The following FRMPD4 variants were observed in gnomAD, a reference collection of about 807,000 sequenced individuals.
FRMPD4 encodes the protein FERM and PDZ domain-containing protein 4.
In FRMPD4, 22 loss-of-function variants were observed where a neutral mutation model predicts 94.1. The observed-to-expected ratio is 0.23, with a 90% confidence interval of 0.17 to 0.33. The LOEUF (loss-of-function observed/expected upper bound fraction) is 0.33. Among genes scored for constraint, FRMPD4 ranks in the 10% least tolerant of loss-of-function variants. FRMPD4 has a pLI of 1.00. For missense variants in FRMPD4, 1,111 were observed against 1,339.9 expected, an observed-to-expected ratio of 0.83 and a Z score of 2.67; for synonymous variants, 631 against 548.6, an observed-to-expected ratio of 1.15 and a Z score of -2.10.
chrX:12,301,098 T>TG (rs1338699099), intron 1 of FRMPD4, among the ~76,000 whole-genome samples: 1 of 111,199 alleles, frequency 9.0e-6, no homozygotes, highest in East Asian at 2.8e-4. Context: ...AGTCAAGGGG[T>TG]GGGGAGCCCT....
rs774634777 is a variant in FRMPD4, at chrX:12,469,396, C to T, written c.42-29284C>T. Among the ~76,000 whole-genome samples, 188 of 111,130 alleles carry T rather than the reference C, an allele frequency of 1.7e-3. 1 individual carries two copies. The highest frequency in any genetic ancestry group is 3.0e-3 in the Non-Finnish European group (158 of 53,003). ...TCCCAAGTAGCTGGGATTACCGGCG[C>T]ACACTGCCTTGCCCAGCTAATTTTT... is the stretch of plus-strand genomic sequence containing the variant. On this transcript the variant is annotated intron_variant, in intron 1 of 16. Transcript: ENST00000675598.
At chrX:12,676,009 T>G (rs1205575665) in intron 5 of FRMPD4, among the ~76,000 whole-genome samples, 1 of 112,147 alleles carries the variant, frequency 8.9e-6, no homozygotes, top group Non-Finnish European at 1.9e-5. Flanking sequence ...CAACAAATTA[T>G]GCCATCTTAC....
chrX:12,514,442 T>C (rs2058075389), intron 2 of FRMPD4, among the ~76,000 whole-genome samples: 1 of 112,162 alleles, frequency 8.9e-6, no homozygotes, highest in South Asian at 3.7e-4. Context: ...TGTTGAATTT[T>C]ATTGAAGGCC....
At chrX:12,397,533 C>T (rs1028544221) in intron 1 of FRMPD4, among the ~76,000 whole-genome samples, 1 of 111,775 alleles carries the variant, frequency 8.9e-6, no homozygotes, top group African/African-American at 3.3e-5. Context: ...TTTATTGTAG[C>T]GAGGATGTGA....
chrX:12,345,517 C>T (rs981648945), intron 1 of FRMPD4, among the ~76,000 whole-genome samples: 1 of 111,910 alleles, frequency 8.9e-6, no homozygotes, highest in Non-Finnish European at 1.9e-5. Flanking sequence ...ATGGATAGAA[C>T]TGTCAACCAG....
chrX:11,864,197 T>C (rs2053705387), intron 1 of FRMPD4, among the ~76,000 whole-genome samples: 1 of 110,001 alleles, frequency 9.1e-6, no homozygotes, highest in African/African-American at 3.3e-5. Flanking sequence ...CATGGATCTA[T>C]GAAAATAACA....
Position 12,606,454 on chromosome X carries a change from G to A in FRMPD4, c.159-3267G>A, listed in dbSNP as rs770108946. ...ATATGGTTAGTCCGGAGTGTAACTCGGGCATTAGGAGTTTTGAAATGCTCC... is the reference window on the plus strand; with the variant it reads ...ATATGGTTAGTCCGGAGTGTAACTCAGGCATTAGGAGTTTTGAAATGCTCC... On this transcript the variant is annotated intron_variant, in intron 2 of 16. Transcript: ENST00000675598. Among the ~76,000 whole-genome samples the A allele has an allele frequency of 3.3e-4, 37 of 111,691 alleles. No individual in the cohort carries two copies. In the Admixed American group the frequency reaches 3.5e-3, roughly 11 times the overall value.
At chrX:12,501,989 T>TA (rs757999937) in intron 2 of FRMPD4, among the ~76,000 whole-genome samples, 2 of 112,007 alleles carry the variant, frequency 1.8e-5, no homozygotes, top group Admixed American at 1.9e-4. Context: ...CATGCTAATA[T>TA]ATGTTTTTAT....
At chrX:12,344,990 T>TA (rs970333711) in intron 1 of FRMPD4, among the ~76,000 whole-genome samples, 1 of 112,171 alleles carries the variant, frequency 8.9e-6, no homozygotes, top group Non-Finnish European at 1.9e-5. Context: ...TTAAACCTGG[T>TA]AAAAAATGAG....
chrX:12,158,129 T>G (rs1039721474), intron 1 of FRMPD4, among the ~76,000 whole-genome samples: 3 of 112,099 alleles, frequency 2.7e-5, no homozygotes, highest in Non-Finnish European at 5.6e-5. Flanking sequence ...TGTATTCTTT[T>G]TAGCATCTGC....
intron 3 of FRMPD4, among the ~76,000 whole-genome samples, chrX:12,109,472 G>A (rs1232363118): frequency 8.9e-6 from 1 of 111,948 alleles, no homozygotes; most frequent in Non-Finnish European, 1.9e-5. Flanking sequence ...GAGAAAGCAG[G>A]AAAGATCTAA....
At chrX:12,625,193 T>C (rs1198293590) in intron 4 of FRMPD4, among the ~76,000 whole-genome samples, 2 of 111,595 alleles carry the variant, frequency 1.8e-5, no homozygotes, top group East Asian at 5.6e-4. Flanking sequence ...TTGGTGGGAA[T>C]GTAAATTAGT....
intron 1 of FRMPD4, among the ~76,000 whole-genome samples, chrX:12,388,818 GATATATATAT>G (rs3068660): frequency 1.1e-3 from 69 of 60,735 alleles, no homozygotes; most frequent in Admixed American, 9.4e-3. Context: ...AAGAAAATGT[GATATATATAT>G]ATATATATAT....
intron 3 of FRMPD4, among the ~76,000 whole-genome samples, chrX:12,097,788 G>T (rs759259483): frequency 2.7e-5 from 3 of 112,413 alleles, no homozygotes; most frequent in African/African-American, 6.5e-5. Context: ...ATATTGCATT[G>T]TATGAATATA....
At chrX:12,399,407 T>C (rs188110429) in intron 1 of FRMPD4, among the ~76,000 whole-genome samples, 1 of 111,739 alleles carries the variant, frequency 8.9e-6, no homozygotes, top group Admixed American at 9.5e-5. Flanking sequence ...AGATACTTGA[T>C]ATACAATTGA....
At chrX:12,671,547 G>A (rs1239044247) in intron 4 of FRMPD4, among the ~76,000 whole-genome samples, 2 of 110,144 alleles carry the variant, frequency 1.8e-5, no homozygotes, top group Non-Finnish European at 3.8e-5. Context: ...AGAACACATG[G>A]ACACAGGGAG....
intron 1 of FRMPD4, among the ~76,000 whole-genome samples, chrX:12,353,020 C>T (rs141309521): frequency 0.014 from 1,603 of 111,800 alleles, 25 homozygotes; most frequent in African/African-American, 0.049. Context: ...ATGGAATATT[C>T]TGACCAGACT....
chrX:12,473,829 C>A (rs182399101), intron 1 of FRMPD4, among the ~76,000 whole-genome samples: 1 of 109,700 alleles, frequency 9.1e-6, no homozygotes, highest in African/African-American at 3.5e-5. Flanking sequence ...TCCTTAGAGA[C>A]CTACAAAGAG....
chrX:12,479,536 A>G (rs1242557372), intron 1 of FRMPD4, among the ~76,000 whole-genome samples: 1 of 104,775 alleles, frequency 9.5e-6, no homozygotes, highest in Non-Finnish European at 1.9e-5. Context: ...GGGTCTCACT[A>G]TGTTACTCAG....
Sources: allele counts gnomAD v4.1 joint callset (sites outside exome capture counted in the v4.1 genomes callset), GRCh38; gene constraint gnomAD v4.1.1; transcripts MANE v1.5; gene names NCBI Gene and HGNC (gene_info 2026-07-23, HGNC 2026-07-21).